Variants in TUBGCP2 observed in about 807,000 individuals in gnomAD.
TUBGCP2 encodes the protein tubulin gamma complex component 2.
In TUBGCP2, 55 loss-of-function variants were observed where a neutral mutation model predicts 92.2. The ratio of observed to expected loss-of-function variants is 0.60; its 90% CI spans 0.48 to 0.75. The LOEUF (loss-of-function observed/expected upper bound fraction) is 0.75. TUBGCP2 is among the 30% of genes least tolerant of loss of function. The pLI, the probability that TUBGCP2 is intolerant of heterozygous loss-of-function variation, is 0.00. For synonymous variants in TUBGCP2, 533 were observed against 505.2 expected (o/e 1.06, Z -0.74); for missense variants, 1,093 against 1,188.9 (o/e 0.92, Z 1.19).
upstream of TUBGCP2, chr10:133,308,885 A>G: frequency 2.5e-6 from 3 of 1,198,312 alleles, no homozygotes; most frequent in East Asian, 3.5e-5. Context: ...GCGTGACGTC[A>G]CGTCCGGCTC....
chr10:133,285,661 G>C lies in TUBGCP2; in HGVS notation c.1723-33C>G, dbSNP rs1178343731. The C allele has an allele frequency of 6.7e-7, 1 of 1,491,376 alleles. No individual in the cohort carries two copies. The highest frequency in any genetic ancestry group is 8.9e-7 in the Non-Finnish European group (1 of 1,121,664). 92.4% of individuals were successfully genotyped at this position (1,491,376 alleles called of 1,614,324 possible). A position where few individuals can be genotyped will look rare whatever the true frequency, so the allele number is the denominator to read the frequency against. ...GGAAGGAAATGAAACAAAGCATCCA[G>C]TTTTAAGGAAAAGACCCGAAGTCGC... On this transcript the variant is annotated intron_variant, in intron 11 of 17. Coordinates refer to ENST00000252936, the MANE Select transcript of TUBGCP2 (RefSeq NM_006659.4). This position sits in a 1 kb window ranked among gnomAD's most constrained non-coding sequence, Gnocchi z 6.8.
rs370991365 is a variant in TUBGCP2, at chr10:133,283,882, G to A, written c.2145C>T (p.Ser715=). 41 of 1,613,648 alleles carry A rather than the reference G, an allele frequency of 2.5e-5. No homozygotes were observed. Among genetic ancestry groups the A allele is most frequent in the Admixed American group, 5.0e-5 (3 of 59,962 alleles). The change falls in exon 14 of 18, where the codon TCC becomes TCT. Residue 715 remains serine (S), a splice_region_variant and synonymous_variant. Transcript: ENST00000252936. ...TWHILEKNLK[S]ASNIDDVLGH... is the part of the protein sequence containing the mutation. ...TATTATCTGTGGAGCTAAAACTCAC[G>A]GATTTCAGGTTTTTCTCCAGGATGT...
intron 1 of TUBGCP2, among the ~76,000 whole-genome samples, chr10:133,307,627 C>A (rs1413210689): frequency 1.3e-5 from 2 of 152,218 alleles, no homozygotes; most frequent in Admixed American, 6.5e-5. Context: ...CACTTGTAAT[C>A]CCAGCTACTT....
intron 7 of TUBGCP2, 60 bp downstream of exon 7, chr10:133,292,979 G>A (rs1250208098): frequency 8.9e-6 from 14 of 1,570,568 alleles, no homozygotes; most frequent in African/African-American, 1.4e-5. Context: ...CCTCACACTG[G>A]GTGCCATGTT....
Position 133,279,883 on chromosome 10 carries a change from GA to G in TUBGCP2, c.2591del (p.Phe864SerfsTer44). 1 of 1,609,726 alleles carries G rather than the reference GA, an allele frequency of 6.2e-7. No individual in the cohort carries two copies. The highest frequency in any genetic ancestry group is 8.5e-7 in the Non-Finnish European group (1 of 1,178,556). On this transcript the variant is annotated frameshift_variant, in exon 18 of 18. Coordinates refer to ENST00000252936, the MANE Select transcript of TUBGCP2 (RefSeq NM_006659.4). LOFTEE classifies it high-confidence loss of function. ...SVISRLDFNG[F>X]YTERLERLSA... The stretch of plus-strand genomic sequence containing the variant: ...ACAGGCGCTCCAGGCGCTCCGTGTA[GA>G]AACCATTGAAGTCAAGCCTGTGAGG...
intron 1 of TUBGCP2, 85 bp from the exon 2 acceptor site, chr10:133,303,065 C>T: frequency 7.8e-7 from 1 of 1,273,900 alleles, no homozygotes; most frequent in South Asian, 1.4e-5. Context: ...TGGCCAATGT[C>T]AGGCTTTGAC....
intron 2 of TUBGCP2, chr10:133,300,374 A>G (rs550654650): frequency 7.0e-5 from 23 of 326,464 alleles, no homozygotes; most frequent in Non-Finnish European, 1.3e-4. Flanking sequence ...CCAGGAGTTC[A>G]AGACCAGCCT....
Position 133,289,809 on chromosome 10 carries a change from C to CCCGCTGCGCCGCGGACGCCAAGTCCCTGA in TUBGCP2, c.1360+14_1360+15insTCAGGGACTTGGCGTCCGCGGCGCAGCGG, listed in dbSNP as rs775694124. On this transcript the variant is annotated intron_variant, in intron 9 of 17. Coordinates refer to ENST00000252936, the MANE Select transcript of TUBGCP2 (RefSeq NM_006659.4). ...CTGTGCTGCGCACCCCAAGTCCCCG[C>CCCGCTGCGCCGCGGACGCCAAGTCCCTGA]CCGCTGCGCCGCACCTGTGCTGAGG... The CCCGCTGCGCCGCGGACGCCAAGTCCCTGA allele has an allele frequency of 1.2e-6, 2 of 1,613,596 alleles. No homozygotes were observed. Among genetic ancestry groups the CCCGCTGCGCCGCGGACGCCAAGTCCCTGA allele is most frequent in the East Asian group, 2.2e-5 (1 of 44,872 alleles).
rs2995326 is a variant in TUBGCP2, at chr10:133,283,930, A to G, written c.2097T>C (p.Phe699=). ...FVQNIQYYMM[F]EVMEPTWHIL... Reference sequence around the variant, plus strand: ...TGTGCCAGGTCGGTTCCATCACTTCAAACATCATGTAGTATTGAATATTCT... The same window carrying G: ...TGTGCCAGGTCGGTTCCATCACTTCGAACATCATGTAGTATTGAATATTCT... Residue 699 remains phenylalanine, a synonymous_variant, in exon 14 of 18, where the codon TTT becomes TTC. Transcript: ENST00000252936. 1,445,826 of 1,614,022 alleles carry G rather than the reference A, an allele frequency of 0.9. 648,125 individuals carry two copies. Among genetic ancestry groups the G allele is most frequent in the East Asian group, 0.94 (42,009 of 44,878 alleles).
At chr10:133,301,127 G>A (rs953571479) in intron 2 of TUBGCP2, among the ~76,000 whole-genome samples, 3 of 152,178 alleles carry the variant, frequency 2.0e-5, no homozygotes, top group African/African-American at 7.2e-5. Flanking sequence ...TGCAACCCTA[G>A]GGGTTATGCT....
upstream of TUBGCP2, chr10:133,310,532 A>T (rs1228553653): frequency 1.8e-5 from 10 of 543,210 alleles, no homozygotes; most frequent in Non-Finnish European, 3.3e-6. Context: ...GAGGCAGCAG[A>T]GGGGGTGTGG....
intron 1 of TUBGCP2, among the ~76,000 whole-genome samples, chr10:133,307,379 G>C (rs1350301687): frequency 6.6e-6 from 1 of 152,230 alleles, no homozygotes; most frequent in Admixed American, 6.5e-5. Context: ...CACACTCCAA[G>C]TGATTAAAAC....
At chr10:133,295,083 A>AC (rs1459778218) in intron 5 of TUBGCP2, 1 of 151,768 alleles carries the variant, frequency 6.6e-6, no homozygotes, top group East Asian at 1.9e-4. Flanking sequence ...GAGAAGCCTC[A>AC]CGGTGGGGTG....
chr10:133,282,326 A>G lies in TUBGCP2; in HGVS notation c.2306T>C (p.Met769Thr). ...CCCGCCCAGCTCGCCATCTAATTTC[A>G]TGCTCTGTGTAAATTTCTAGGGGGG... ...TNCMQKFTQS[M>T]KLDGELGGQT... is the part of the protein sequence containing the mutation. The change falls in exon 16 of 18, where the codon ATG becomes ACG. Residue 769 changes from methionine (M) to threonine (T), a missense_variant. Physicochemically the swap from Met to Thr is moderately conservative, Grantham distance 81 (BLOSUM62 -1). This residue lies in a region of TUBGCP2 where 598 missense variants were observed against 675.5 expected (regional missense o/e 0.89). Coordinates refer to ENST00000252936, the MANE Select transcript of TUBGCP2 (RefSeq NM_006659.4). 1.2e-6 allele frequency: 2 copies of G among 1,603,392 alleles called. No homozygotes were observed. The highest frequency in any genetic ancestry group is 1.7e-6 in the Non-Finnish European group (2 of 1,173,266).
intron 7 of TUBGCP2, 138 bp from the exon 8 acceptor site, chr10:133,292,826 T>A: frequency 8.3e-7 from 1 of 1,201,612 alleles, no homozygotes; most frequent in Non-Finnish European, 1.1e-6. Context: ...GTATTAACTG[T>A]AAGGTTGTAG....
chr10:133,309,464 G>A, upstream of TUBGCP2: 1 of 1,611,860 alleles, frequency 6.2e-7, no homozygotes, highest in Non-Finnish European at 8.5e-7. Flanking sequence ...AGAAGCCCAG[G>A]TAAGCGAATG....
chr10:133,309,341 G>T (rs1431033572), upstream of TUBGCP2: 2 of 1,585,896 alleles, frequency 1.3e-6, no homozygotes, highest in Admixed American at 3.5e-5. Context: ...TGACGCGGTG[G>T]GCGTGCCGCG....
chr10:133,309,383 C>A (rs778830721), upstream of TUBGCP2: 2 of 1,610,554 alleles, frequency 1.2e-6, no homozygotes, highest in South Asian at 2.2e-5. Context: ...GCGCACTTTT[C>A]CTGCAGGATG....
At chr10:133,300,207 G>A in intron 2 of TUBGCP2, 94 bp from the exon 3 acceptor site, 1 of 1,401,518 alleles carries the variant, frequency 7.1e-7, no homozygotes, top group South Asian at 1.3e-5. Flanking sequence ...TAAGCCAATG[G>A]AATTAAATTG....
Sources: gnomAD v4.1 joint callset for allele counts (sites outside exome capture counted in the v4.1 genomes callset) on GRCh38, gnomAD v4.1.1 for gene constraint, gnomAD v4.1.1 regional missense constraint, Gnocchi (gnomAD v3.1) non-coding constraint, MANE v1.5 for transcripts, NCBI Gene and HGNC (gene_info 2026-07-23, HGNC 2026-07-21) for gene names.